The following NTRK2 variants were observed in gnomAD, a reference collection of about 807,000 sequenced individuals.
NTRK2 encodes BDNF/NT-3 growth factors receptor.
A neutral mutation model predicts 94.5 loss-of-function variants in NTRK2; 13 were observed. The observed-to-expected ratio is 0.14, with a 90% CI of 0.09 to 0.22. The LOEUF is 0.22. Ranked by LOEUF, NTRK2 falls within the 10% of genes least tolerant of loss-of-function variation. The pLI is 1.00. For missense variants in NTRK2, 639 were observed against 1,071.2 expected, an observed-to-expected ratio of 0.60 and a Z score of 5.63; for synonymous variants, 372 against 407.4, an observed-to-expected ratio of 0.91 and a Z score of 1.05.
intron 2 of NTRK2, among the ~76,000 whole-genome samples, chr9:84,697,048 A>G (rs2060423416): frequency 6.6e-6 from 1 of 152,148 alleles, no homozygotes; most frequent in South Asian, 2.1e-4. Flanking sequence ...ATTATTAATA[A>G]AGGTTGAGGG....
chr9:84,940,064 G>A (rs1007779855), intron 15 of NTRK2, among the ~76,000 whole-genome samples: 1 of 152,162 alleles, frequency 6.6e-6, no homozygotes, highest in Non-Finnish European at 1.5e-5. Flanking sequence ...CTGGCCAGAG[G>A]AATGGAATAT....
chr9:84,889,698 C>A (rs2076539714), intron 14 of NTRK2, among the ~76,000 whole-genome samples: 1 of 152,232 alleles, frequency 6.6e-6, no homozygotes, highest in Admixed American at 6.5e-5. Context: ...CTGGCATAAG[C>A]CACTGTGCCC....
At chr9:84,851,658 T>G (rs1215362377) in intron 12 of NTRK2, among the ~76,000 whole-genome samples, 1 of 152,036 alleles carries the variant, frequency 6.6e-6, no homozygotes, top group African/African-American at 2.4e-5. Flanking sequence ...AAGACAAAGG[T>G]GCTGAAAGGT....
At chr9:84,732,427 GT>G (rs1298308620) in intron 9 of NTRK2, among the ~76,000 whole-genome samples, 1 of 152,130 alleles carries the variant, frequency 6.6e-6, no homozygotes, top group East Asian at 1.9e-4. Flanking sequence ...GGCTTTTTTT[GT>G]TTTTAAGGTC....
chr9:84,717,221 A>G (rs531336910), intron 6 of NTRK2, among the ~76,000 whole-genome samples: 6 of 152,358 alleles, frequency 3.9e-5, no homozygotes, highest in African/African-American at 1.4e-4. Flanking sequence ...ACATGAAATG[A>G]ACAGAGCTCA....
chr9:84,806,085 A>T (rs2071076764), intron 12 of NTRK2, among the ~76,000 whole-genome samples: 1 of 152,242 alleles, frequency 6.6e-6, no homozygotes, highest in African/African-American at 2.4e-5. Context: ...CTATTGTGAA[A>T]CCAAAAATGC....
chr9:84,875,113 T>G, intron 14 of NTRK2: 9 of 1,060,608 alleles, frequency 8.5e-6, no homozygotes, highest in Non-Finnish European at 1.0e-5. Flanking sequence ...CTTTCTAGTC[T>G]TGTGGATATC....
At chr9:84,677,159 C>T (rs747689291) in intron 2 of NTRK2, among the ~76,000 whole-genome samples, 1 of 152,136 alleles carries the variant, frequency 6.6e-6, no homozygotes, top group Non-Finnish European at 1.5e-5. Flanking sequence ...AAACCTGTTG[C>T]CCCTGGAGTC....
intron 14 of NTRK2, among the ~76,000 whole-genome samples, chr9:84,880,299 G>T (rs905073591): frequency 6.6e-5 from 10 of 152,172 alleles, no homozygotes; most frequent in African/African-American, 2.4e-4. Flanking sequence ...AGGCAATGCT[G>T]GGAGGAGTGA....
chr9:84,888,266 T>C (rs2076478359), intron 14 of NTRK2, among the ~76,000 whole-genome samples: 1 of 152,094 alleles, frequency 6.6e-6, no homozygotes, highest in Non-Finnish European at 1.5e-5. Context: ...TTATCTCAGC[T>C]AAACTCCACC....
intron 12 of NTRK2, among the ~76,000 whole-genome samples, chr9:84,849,442 G>A (rs1408737009): frequency 1.3e-5 from 2 of 152,204 alleles, no homozygotes; most frequent in African/African-American, 4.8e-5. Flanking sequence ...GAGGCAAGAA[G>A]AGCAACATCT....
Position 84,741,937 on chromosome 9 carries a change from G to A in NTRK2, c.1195+10G>A, listed in dbSNP as rs769400820. Reference sequence around the variant, plus strand: ...GATGTAATTTATGAAGGTAGCTATCGTGTTTTCTACTTTGTATTTCTTTTT... The same window carrying A: ...GATGTAATTTATGAAGGTAGCTATCATGTTTTCTACTTTGTATTTCTTTTT... On this transcript the variant is annotated intron_variant, in intron 10 of 18. Transcript: ENST00000277120. 20 of 1,608,058 alleles carry A rather than the reference G, an allele frequency of 1.2e-5. No homozygotes were observed. The East Asian group carries it at 1.6e-4, about 13-fold the overall frequency.
At chr9:84,680,535 T>G (rs1409067072) in intron 2 of NTRK2, among the ~76,000 whole-genome samples, 2 of 152,240 alleles carry the variant, frequency 1.3e-5, no homozygotes, top group Non-Finnish European at 2.9e-5. Flanking sequence ...CGAGCTTTTT[T>G]CTATCAGCAA....
rs552275687 is a variant in NTRK2, at chr9:84,707,472, A to G, written c.360-372A>G. Among the ~76,000 whole-genome samples, 7 of 152,188 alleles carry G rather than the reference A, an allele frequency of 4.6e-5. No homozygotes were observed. The South Asian group carries it at 8.3e-4, about 18-fold the overall frequency. Reference sequence around the variant, plus strand: ...TAGTTTTAAGGCATATTTTTTCCCTACTGGGTTTATAGTTTTAAATTTTAT... The same window carrying G: ...TAGTTTTAAGGCATATTTTTTCCCTGCTGGGTTTATAGTTTTAAATTTTAT... On this transcript the variant is annotated intron_variant, in intron 4 of 18. Coordinates refer to ENST00000277120, the MANE Select transcript of NTRK2 (RefSeq NM_006180.6).
intron 14 of NTRK2, among the ~76,000 whole-genome samples, chr9:84,916,737 C>T (rs1031341136): frequency 6.6e-6 from 1 of 152,108 alleles, no homozygotes; most frequent in Non-Finnish European, 1.5e-5. Flanking sequence ...TAGTCAAAGA[C>T]CAAGTGGCAG....
intron 2 of NTRK2, among the ~76,000 whole-genome samples, chr9:84,686,139 C>G (rs1209803680): frequency 1.3e-5 from 2 of 152,146 alleles, no homozygotes; most frequent in Non-Finnish European, 2.9e-5. Context: ...CTCAAGCTAT[C>G]AAGTTAAGAT....
chr9:84,788,097 T>A (rs1798248506), intron 12 of NTRK2, among the ~76,000 whole-genome samples: 1 of 152,204 alleles, frequency 6.6e-6, no homozygotes. Context: ...GGTATTACTA[T>A]GGTACATAAT....
At position 84,833,297 on chromosome 9, in the gene NTRK2, G is replaced by A. The variant is rs79815361; in HGVS notation, c.1397-27743G>A. On this transcript the variant is annotated intron_variant, in intron 12 of 18. Coordinates refer to ENST00000277120, the MANE Select transcript of NTRK2 (RefSeq NM_006180.6). ...CTGGGATCCACACTAGAGGAACTAA[G>A]TAAGAATATCTGGGCATGGGGTCTT... is the stretch of plus-strand genomic sequence containing the variant. 8.5e-5 allele frequency among the ~76,000 whole-genome samples: 13 copies of A among 152,290 alleles called. No individual in the cohort carries two copies. In the East Asian group the frequency reaches 1.5e-3, roughly 18 times the overall value.
At chr9:84,784,482 T>C (rs1276115856) in intron 12 of NTRK2, among the ~76,000 whole-genome samples, 1 of 152,128 alleles carries the variant, frequency 6.6e-6, no homozygotes, top group East Asian at 1.9e-4. Context: ...GGAAGTGAAA[T>C]TAGATTATGC....
Sources: allele counts gnomAD v4.1 joint callset (sites outside exome capture counted in the v4.1 genomes callset), GRCh38; gene constraint gnomAD v4.1.1; transcripts MANE v1.5; gene names NCBI Gene and HGNC (gene_info 2026-07-23, HGNC 2026-07-21).